The following C5AR1 variants were observed in gnomAD, a reference collection of about 807,000 sequenced individuals.
C5AR1 encodes C5a anaphylatoxin chemotactic receptor 1.
A neutral mutation model predicts 2.4 loss-of-function variants in C5AR1; 4 were observed. That is an observed-to-expected ratio of 1.65 (90% CI 0.81 to 3.77). C5AR1 has a LOEUF of 3.77. C5AR1 is among the 30% of genes most tolerant of loss of function. The probability of loss-of-function intolerance (pLI) is 0.01; values close to 1 mark genes in which losing one functional copy is unlikely to be tolerated. For missense variants in C5AR1, 418 were observed against 462.5 expected, an observed-to-expected ratio of 0.90 and a Z score of 0.88; for synonymous variants, 209 against 210.4, an observed-to-expected ratio of 0.99 and a Z score of 0.06.
chr19:47,317,704 C>T (rs573837415), intron 1 of C5AR1, among the ~76,000 whole-genome samples: 5 of 150,098 alleles, frequency 3.3e-5, no homozygotes, highest in Admixed American at 6.6e-5. Flanking sequence ...AAAACCAGGC[C>T]GGGTGTGGTG....
intron 1 of C5AR1, 109 bp downstream of exon 1, chr19:47,310,007 C>A: frequency 8.8e-7 from 1 of 1,134,466 alleles, no homozygotes; most frequent in Non-Finnish European, 1.3e-6. Flanking sequence ...CTCTGTCTGT[C>A]TCTCCCTTTC....
intron 1 of C5AR1, among the ~76,000 whole-genome samples, chr19:47,319,409 G>T (rs886187635): frequency 6.9e-6 from 1 of 145,828 alleles, no homozygotes; most frequent in African/African-American, 2.5e-5. Context: ...CCTGGGGTCA[G>T]GTGATCCTCC....
chr19:47,319,365 A>G (rs1319111766), intron 1 of C5AR1, among the ~76,000 whole-genome samples: 2 of 144,726 alleles, frequency 1.4e-5, no homozygotes, highest in African/African-American at 2.6e-5. Flanking sequence ...CTGGAGTGCA[A>G]TGGTATGATC....
chr19:47,320,491 C>G lies in C5AR1; in HGVS notation c.714C>G (p.Thr238=). The part of the protein sequence containing the change: ...RTWSRRATRS[T]KTLKVVVAVV... ...GGAGCCGCAGGGCCACGCGGTCCACCAAGACACTCAAGGTGGTGGTGGCAG... is the reference window on the plus strand; with the variant it reads ...GGAGCCGCAGGGCCACGCGGTCCACGAAGACACTCAAGGTGGTGGTGGCAG... The change falls in exon 2 of 2, where the codon ACC becomes ACG. Residue 238 remains threonine, a synonymous_variant. Coordinates refer to ENST00000355085, the MANE Select transcript of C5AR1 (RefSeq NM_001736.4). The surrounding 1 kb of genome is among the most constrained non-coding windows in gnomAD (Gnocchi z 4.9). 6.2e-7 allele frequency: 1 copy of G among 1,613,930 alleles called. No individual in the cohort carries two copies. The highest frequency in any genetic ancestry group is 8.5e-7 in the Non-Finnish European group (1 of 1,180,024).
chr19:47,314,718 G>A (rs1292294485), intron 1 of C5AR1, among the ~76,000 whole-genome samples: 1 of 147,290 alleles, frequency 6.8e-6, no homozygotes, highest in Non-Finnish European at 1.5e-5. Context: ...TTTAGAGATG[G>A]AGTCTCGCTA....
chr19:47,316,954 G>C (rs1170846174), intron 1 of C5AR1, among the ~76,000 whole-genome samples: 1 of 151,640 alleles, frequency 6.6e-6, no homozygotes, highest in Non-Finnish European at 1.5e-5. Flanking sequence ...AAGGCAGGAG[G>C]GTTGCTTGAA....
chr19:47,322,050 A>G lies in C5AR1; in HGVS notation c.*1220A>G, dbSNP rs1161872669. 1 of 152,234 alleles carries G rather than the reference A, an allele frequency of 6.6e-6. No homozygotes were observed. The highest frequency in any genetic ancestry group is 1.5e-5 in the Non-Finnish European group (1 of 68,038). The allele number at this position is 152,234 out of a possible 1,614,324, so 9.4% of individuals were successfully genotyped here. The stretch of plus-strand genomic sequence containing the variant: ...TATACATGACTTTAATGAGGAAAAT[A>G]AAAATGAATATTGAAATGTTGTGTT... On this transcript the variant is annotated 3_prime_UTR_variant, in exon 2 of 2. Coordinates refer to ENST00000355085, the MANE Select transcript of C5AR1 (RefSeq NM_001736.4).
chr19:47,307,668 G>C (rs1046178978), upstream of C5AR1: 2 of 152,076 alleles, frequency 1.3e-5, no homozygotes, highest in Non-Finnish European at 2.9e-5. Flanking sequence ...CCCGCAGTTT[G>C]TGCTAATTGG....
intron 1 of C5AR1, among the ~76,000 whole-genome samples, chr19:47,317,088 G>T (rs994031977): frequency 7.3e-5 from 11 of 151,068 alleles, no homozygotes; most frequent in Non-Finnish European, 1.5e-4. Context: ...AGCTACTCAA[G>T]AGGCTGAGGC....
In C5AR1 at chr19:47,320,795, G is replaced by A. The variant is rs1283599479; in HGVS notation, c.1018G>A (p.Val340Met). 2 of 1,614,010 alleles carry A rather than the reference G, an allele frequency of 1.2e-6. No individual in the cohort carries two copies. The highest frequency in any genetic ancestry group is 1.1e-5 in the South Asian group (1 of 91,084). ...RESKSFTRST[V>M]DTMAQKTQAV ...GAGCAAGTCATTCACGCGCTCCACA[G>A]TGGACACTATGGCCCAGAAGACCCA... is the stretch of plus-strand genomic sequence containing the variant. The change falls in exon 2 of 2, where the codon GTG becomes ATG. Residue 340 changes from valine (V) to methionine (M), a missense_variant. By Grantham distance (21) the Val-to-Met change is conservative. Coordinates refer to ENST00000355085, the MANE Select transcript of C5AR1 (RefSeq NM_001736.4). The surrounding 1 kb of genome is among the most constrained non-coding windows in gnomAD (Gnocchi z 4.9).
chr19:47,316,386 A>G (rs1219104954), intron 1 of C5AR1: 1 of 150,492 alleles, frequency 6.6e-6, no homozygotes, highest in East Asian at 2.0e-4. Flanking sequence ...CCATGCATCC[A>G]CTCATTCACC....
rs1174105871 is a variant in C5AR1, at chr19:47,315,598, C to A, written c.4-4183C>A. Among the ~76,000 whole-genome samples the A allele has an allele frequency of 5.9e-5, 9 of 152,056 alleles. No homozygotes were observed. The East Asian group carries it at 1.7e-3, about 29-fold the overall frequency. On this transcript the variant is annotated intron_variant, in intron 1 of 1. Transcript: ENST00000355085. ...ATGCGTCACAGCCAAAGGGAACATT[C>A]AAAATATTTAACAATGTGCTAAAGT... is the stretch of plus-strand genomic sequence containing the variant.
upstream of C5AR1, among the ~76,000 whole-genome samples, chr19:47,308,235 A>T (rs1041772501): frequency 1.3e-5 from 2 of 148,970 alleles, no homozygotes; most frequent in Non-Finnish European, 3.0e-5. Context: ...AAAAAAAAAA[A>T]GAGCATGAAC....
At chr19:47,313,745 A>T (rs2059277809) in intron 1 of C5AR1, among the ~76,000 whole-genome samples, 1 of 138,434 alleles carries the variant, frequency 7.2e-6, no homozygotes, top group African/African-American at 2.6e-5. Context: ...TCCGTCTCAT[A>T]AAAAAAAAAA....
At chr19:47,313,744 T>TA (rs556770085) in intron 1 of C5AR1, among the ~76,000 whole-genome samples, 2,532 of 137,910 alleles carry the variant, frequency 0.018, 17 homozygotes, top group Non-Finnish European at 0.025. Flanking sequence ...TTCCGTCTCA[T>TA]AAAAAAAAAA....
In C5AR1 at chr19:47,320,335, G is replaced by A; in HGVS notation, c.558G>A (p.Val186=). Residue 186 remains valine, a synonymous_variant, in exon 2 of 2, where the codon GTG becomes GTA. Coordinates refer to ENST00000355085, the MANE Select transcript of C5AR1 (RefSeq NM_001736.4). The surrounding 1 kb of genome is among the most constrained non-coding windows in gnomAD (Gnocchi z 4.9). ...GGGAGGAGTACTTTCCACCAAAGGT[G>A]TTGTGTGGCGTGGACTACAGCCACG... ...VVREEYFPPK[V]LCGVDYSHDK... is the part of the protein sequence containing the mutation. The A allele has an allele frequency of 6.2e-7, 1 of 1,609,898 alleles. No individual in the cohort carries two copies. The highest frequency in any genetic ancestry group is 8.5e-7 in the Non-Finnish European group (1 of 1,180,016).
intron 1 of C5AR1, among the ~76,000 whole-genome samples, chr19:47,311,144 ACT>A (rs2059268526): frequency 6.7e-6 from 1 of 149,220 alleles, no homozygotes; most frequent in Non-Finnish European, 1.5e-5. Context: ...GGCAAACGGG[ACT>A]CTCTGATTCT....
chr19:47,317,192 C>CA (rs1238972530), intron 1 of C5AR1, among the ~76,000 whole-genome samples: 6 of 74,138 alleles, frequency 8.1e-5, no homozygotes, highest in Non-Finnish European at 1.3e-4. Flanking sequence ...GACCCCGTCT[C>CA]AAAAAAAAAA....
rs774925627 is a variant in C5AR1 at position 47,320,858 on chromosome 19, C to T, written c.*28C>T. The stretch of plus-strand genomic sequence containing the variant: ...GACAGCCTCATGGGCCACTGTGGCC[C>T]GATGTCCCCTTCCTTCCCGGCCATT... On this transcript the variant is annotated 3_prime_UTR_variant, in exon 2 of 2. Coordinates refer to ENST00000355085, the MANE Select transcript of C5AR1 (RefSeq NM_001736.4). The surrounding 1 kb of genome is among the most constrained non-coding windows in gnomAD (Gnocchi z 4.9). 7.7e-6 allele frequency: 12 copies of T among 1,565,080 alleles called. No homozygotes were observed. The East Asian group carries it at 9.0e-5, about 12-fold the overall frequency.
Sources: gnomAD v4.1 joint callset for allele counts (sites outside exome capture counted in the v4.1 genomes callset) on GRCh38, gnomAD v4.1.1 for gene constraint, Gnocchi (gnomAD v3.1) non-coding constraint, MANE v1.5 for transcripts, NCBI Gene and HGNC (gene_info 2026-07-23, HGNC 2026-07-21) for gene names.